FSTL4: variants seen among roughly 807,000 people sequenced by gnomAD.
The protein encoded by FSTL4 is follistatin like 4, also known as follistatin-related protein 4.
FSTL4 carries 28 observed loss-of-function variants against 78.2 expected under a neutral mutation model. That is an observed-to-expected ratio of 0.36 (90% CI 0.27 to 0.49). FSTL4 has a LOEUF of 0.49. FSTL4 is among the 20% of genes least tolerant of loss of function. The pLI is 0.98. For synonymous variants in FSTL4, 422 were observed against 440.5 expected (o/e 0.96, Z 0.53); for missense variants, 922 against 1,084.9 (o/e 0.85, Z 2.11).
At chr5:133,226,735 A>G (rs937500309) in intron 8 of FSTL4, among the ~76,000 whole-genome samples, 4 of 152,238 alleles carry the variant, frequency 2.6e-5, no homozygotes, top group Admixed American at 6.5e-5. Context: ...CTTGAAGTGG[A>G]CAGCTACATT....
the FSTL4 span, among the ~76,000 whole-genome samples, chr5:133,769,282 T>A: frequency 6.6e-6 from 1 of 152,212 alleles, no homozygotes; most frequent in African/African-American, 2.4e-5. Context: ...TTCCAGTGGC[T>A]GGAAATGTGC....
At chr5:133,683,898 G>T in the FSTL4 span, among the ~76,000 whole-genome samples, 1 of 152,200 alleles carries the variant, frequency 6.6e-6, no homozygotes, top group African/African-American at 2.4e-5. Flanking sequence ...GCGGGCACAA[G>T]GAGATGGTGA....
the FSTL4 span, among the ~76,000 whole-genome samples, chr5:133,704,868 A>G: frequency 2.0e-5 from 3 of 152,236 alleles, no homozygotes; most frequent in Non-Finnish European, 4.4e-5. Flanking sequence ...TACTGCTCTA[A>G]GATGCGACAC....
intron 3 of FSTL4, among the ~76,000 whole-genome samples, chr5:133,473,909 G>C (rs1217958974): frequency 6.6e-6 from 1 of 152,018 alleles, no homozygotes; most frequent in Non-Finnish European, 1.5e-5. Context: ...GAACAGCATG[G>C]GGGAGCTGCC....
chr5:133,708,372 C>T, the FSTL4 span, among the ~76,000 whole-genome samples: 1 of 152,138 alleles, frequency 6.6e-6, no homozygotes, highest in African/African-American at 2.4e-5. Flanking sequence ...GGTCTCTGCC[C>T]TATTTTGTCA....
rs1751253456 is a variant in FSTL4 at position 133,224,212 on chromosome 5, T to C, written c.1317A>G (p.Ala439=). Reference sequence around the variant, plus strand: ...TACCTTCCTCTCGCCACAGGATGTTTGCAACTGCAGCAGCAGAGAATGAGG... The same window carrying C: ...TACCTTCCTCTCGCCACAGGATGTTCGCAACTGCAGCAGCAGAGAATGAGG... ...FIEDSARKTL[A]NILWREEGLS... is the part of the protein sequence containing the mutation. The change falls in exon 11 of 16, where the codon GCA becomes GCG. Residue 439 remains alanine, a synonymous_variant. Coordinates refer to ENST00000265342, the MANE Select transcript of FSTL4 (RefSeq NM_015082.2). 1 of 1,612,506 alleles carries C rather than the reference T, an allele frequency of 6.2e-7. No individual in the cohort carries two copies. Among genetic ancestry groups the C allele is most frequent in the African/African-American group, 1.3e-5 (1 of 74,900 alleles).
At chr5:133,291,009 C>T (rs1298104540) in intron 6 of FSTL4, among the ~76,000 whole-genome samples, 5 of 152,250 alleles carry the variant, frequency 3.3e-5, no homozygotes. Flanking sequence ...GCCTCCGTCT[C>T]CGACTCCCCA....
the FSTL4 span, among the ~76,000 whole-genome samples, chr5:133,833,954 G>T: frequency 2.0e-5 from 3 of 152,170 alleles, no homozygotes; most frequent in African/African-American, 7.2e-5. Context: ...GTCTTCTAAA[G>T]AAGTCAGACG....
At chr5:133,683,229 G>A in the FSTL4 span, among the ~76,000 whole-genome samples, 2 of 152,210 alleles carry the variant, frequency 1.3e-5, no homozygotes, top group Non-Finnish European at 2.9e-5. Flanking sequence ...TGTTTGGTAT[G>A]CAGGGAGGGC....
intron 3 of FSTL4, among the ~76,000 whole-genome samples, chr5:133,500,507 G>A (rs1424747417): frequency 1.3e-5 from 2 of 152,050 alleles, no homozygotes; most frequent in East Asian, 3.9e-4. Context: ...GGTCCTGTTA[G>A]ACCAGATATG....
chr5:133,403,981 C>T (rs1356971899), intron 3 of FSTL4, among the ~76,000 whole-genome samples: 1 of 152,184 alleles, frequency 6.6e-6, no homozygotes, highest in Non-Finnish European at 1.5e-5. Context: ...CTGCAGGCTG[C>T]ACTCTGAGGG....
the FSTL4 span, among the ~76,000 whole-genome samples, chr5:133,702,498 G>A: frequency 6.6e-6 from 1 of 152,082 alleles, no homozygotes. Context: ...GGAGTCCGGG[G>A]GCTTGGGGAC....
At chr5:133,398,935 T>C (rs1036346718) in intron 4 of FSTL4, among the ~76,000 whole-genome samples, 1 of 152,160 alleles carries the variant, frequency 6.6e-6, no homozygotes, top group South Asian at 2.1e-4. Flanking sequence ...ATTCGGTGGA[T>C]AAATTCAATC....
rs17626237 is a variant in FSTL4 at position 133,289,451 on chromosome 5, T to A, written c.727+23203A>T. 5.3e-5 allele frequency among the ~76,000 whole-genome samples: 8 copies of A among 152,250 alleles called. No individual in the cohort carries two copies. The East Asian group carries it at 1.4e-3, about 26-fold the overall frequency. On this transcript the variant is annotated intron_variant, in intron 6 of 15. Transcript: ENST00000265342. ...ACCCTGTGGTTTAACACTTGATATTTACATACCTCCTTCTTGCCTGGGAGC... is the reference window on the plus strand; with the variant it reads ...ACCCTGTGGTTTAACACTTGATATTAACATACCTCCTTCTTGCCTGGGAGC...
At position 133,490,609 on chromosome 5, in the gene FSTL4, C is replaced by T. The variant is rs112390522; in HGVS notation, c.160+76577G>A. 9.4e-3 allele frequency among the ~76,000 whole-genome samples: 1,437 copies of T among 152,240 alleles called. 21 individuals are homozygous for T. Among genetic ancestry groups the T allele is most frequent in the African/African-American group, 0.032 (1,343 of 41,542 alleles). On this transcript the variant is annotated intron_variant, in intron 3 of 15. Coordinates refer to ENST00000265342, the MANE Select transcript of FSTL4 (RefSeq NM_015082.2). Reference sequence around the variant, plus strand: ...TTATTGCTTGCTTCTAAACTTTCAGCGATTTCAGTTAGGACCTATTCTCTG... The same window carrying T: ...TTATTGCTTGCTTCTAAACTTTCAGTGATTTCAGTTAGGACCTATTCTCTG...
Position 133,406,072 on chromosome 5 carries a change from G to A in FSTL4, c.161-5086C>T, listed in dbSNP as rs754986312. ...CAAACAAAAAAACAAGACAAGTGTA[G>A]ATGGTGTTAAATGCGAGGAAGGAAA... On this transcript the variant is annotated intron_variant, in intron 3 of 15. Coordinates refer to ENST00000265342, the MANE Select transcript of FSTL4 (RefSeq NM_015082.2). Among the ~76,000 whole-genome samples, 3 of 152,264 alleles carry A rather than the reference G, an allele frequency of 2.0e-5. No homozygotes were observed. In the South Asian group the frequency reaches 6.2e-4, roughly 31 times the overall value.
At chr5:133,249,170 C>T (rs752539234) in intron 7 of FSTL4, among the ~76,000 whole-genome samples, 6 of 152,236 alleles carry the variant, frequency 3.9e-5, no homozygotes, top group South Asian at 2.1e-4. Context: ...CCTCCTGTCC[C>T]ACCCATCGCA....
chr5:133,510,362 G>A (rs1758702820), intron 3 of FSTL4, among the ~76,000 whole-genome samples: 1 of 152,168 alleles, frequency 6.6e-6, no homozygotes, highest in Non-Finnish European at 1.5e-5. Context: ...TAAGTTAAAT[G>A]AGCTCCTGCT....
chr5:133,799,156 G>A, the FSTL4 span, among the ~76,000 whole-genome samples: 6 of 137,122 alleles, frequency 4.4e-5, 1 homozygote, highest in East Asian at 4.0e-4. Context: ...TGGGTTCCAC[G>A]TGCCCCTCTT....
Sources: gnomAD v4.1 joint callset for allele counts (sites outside exome capture counted in the v4.1 genomes callset) on GRCh38, gnomAD v4.1.1 for gene constraint, MANE v1.5 for transcripts, NCBI Gene and HGNC (gene_info 2026-07-23, HGNC 2026-07-21) for gene names.